The following CDKL5 variants were observed in gnomAD, a reference collection of about 807,000 sequenced individuals.
CDKL5 encodes cyclin-dependent kinase-like 5.
In CDKL5, 8 loss-of-function variants were observed where a neutral mutation model predicts 61.7. That is an observed-to-expected ratio of 0.13 (90% CI 0.08 to 0.23). CDKL5 has a LOEUF of 0.23. Among genes scored for constraint, CDKL5 ranks in the 10% least tolerant of loss-of-function variants. The pLI, the probability that CDKL5 is intolerant of heterozygous loss-of-function variation, is 1.00. For synonymous variants in CDKL5, 275 were observed against 272.3 expected, an observed-to-expected ratio of 1.01 and a Z score of -0.10; for missense variants, 440 against 734.5, an observed-to-expected ratio of 0.60 and a Z score of 4.63.
At chrX:18,441,659 C>G (rs1931748108) in intron 1 of CDKL5, among the ~76,000 whole-genome samples, 1 of 110,954 alleles carries the variant, frequency 9.0e-6, no homozygotes, top group South Asian at 3.8e-4. Flanking sequence ...ACCTAGTGTA[C>G]CCCAGTTTTC....
chrX:18,575,261 G>A, intron 4 of CDKL5, 93 bp from the exon 5 acceptor site: 1 of 792,097 alleles, frequency 1.3e-6, no homozygotes, highest in Non-Finnish European at 1.9e-6. Context: ...AAAGCAGAAG[G>A]TGAAATTGGG....
At chrX:18,589,318 GTGTGA>G (rs1459641244) in intron 9 of CDKL5, 1 of 109,673 alleles carries the variant, frequency 9.1e-6, no homozygotes, top group East Asian at 2.9e-4. Flanking sequence ...AGGCCCCAGT[GTGTGA>G]TGTTCCCCAT....
intron 3 of CDKL5, among the ~76,000 whole-genome samples, chrX:18,561,883 C>T (rs1924817554): frequency 9.0e-6 from 1 of 111,319 alleles, no homozygotes; most frequent in African/African-American, 3.3e-5. Flanking sequence ...TGAATATTAA[C>T]CATGCTCAGG....
chrX:18,543,860 G>A (rs1399918137), intron 3 of CDKL5, among the ~76,000 whole-genome samples: 1 of 111,811 alleles, frequency 8.9e-6, no homozygotes, highest in African/African-American at 3.3e-5. Flanking sequence ...ATACTACCTG[G>A]CTGGTAGTAT....
intron 3 of CDKL5, among the ~76,000 whole-genome samples, chrX:18,561,798 A>G (rs1037003754): frequency 3.6e-5 from 4 of 111,610 alleles, no homozygotes; most frequent in African/African-American, 9.7e-5. Flanking sequence ...AACATGTCAT[A>G]TATTAAAATA....
In CDKL5 at chrX:18,509,192, A is replaced by AACACGCAC. The variant is rs1555940154; in HGVS notation, c.65-1623_65-1616dup. Among the ~76,000 whole-genome samples, 78 of 45,007 alleles carry AACACGCAC rather than the reference A, an allele frequency of 1.7e-3. 1 individual carries two copies. Among genetic ancestry groups the AACACGCAC allele is most frequent in the African/African-American group, 6.6e-3 (70 of 10,555 alleles). The allele number at this position is 45,007 out of a possible 115,157, so 39.1% of individuals were successfully genotyped here. ...TGATGAGAGAGCGAGACTGTCTCAA[A>AACACGCAC]ACACGCACACACACACACACACACA... On this transcript the variant is annotated intron_variant, in intron 2 of 17. Coordinates refer to ENST00000623535, the MANE Select transcript of CDKL5 (RefSeq NM_001323289.2).
rs201239931 is a variant in CDKL5 at position 18,636,336 on chromosome X, T to TTTATTATTATTA, written c.*7615_*7626dup. On this transcript the variant is annotated 3_prime_UTR_variant, in exon 18 of 18. Coordinates refer to ENST00000623535, the MANE Select transcript of CDKL5 (RefSeq NM_001323289.2). ...CAGGCACAATGCCCAAGTGTTTTGC[T>TTTATTATTATTA]TTATTATTATTATTATTATTATTAT... The TTTATTATTATTA allele has an allele frequency of 1.8e-4, 17 of 94,020 alleles. No homozygotes were observed. Among genetic ancestry groups the TTTATTATTATTA allele is most frequent in the East Asian group, 1.3e-3 (4 of 2,981 alleles). 7.7% of individuals were successfully genotyped at this position (94,020 alleles called of 1,213,427 possible).
rs770260902 is a variant in CDKL5 at position 18,648,200 on chromosome X, G to A, written c.2797+2110G>A. ...ACAGTGTCGAGTTACCTGGTCAGAG[G>A]CTGCCAATTTTCAACCCAGTATTCA... is the stretch of plus-strand genomic sequence containing the variant. On this transcript the variant is annotated intron_variant, in intron 20 of 21. Coordinates refer to the CDKL5 transcript ENST00000379989. Among the ~76,000 whole-genome samples, 3 of 110,809 alleles carry A rather than the reference G, an allele frequency of 2.7e-5. No individual in the cohort carries two copies. The South Asian group carries it at 1.2e-3, about 43-fold the overall frequency.
At chrX:18,502,660 CTG>C (rs1282459209) in intron 1 of CDKL5, among the ~76,000 whole-genome samples, 6 of 111,623 alleles carry the variant, frequency 5.4e-5, no homozygotes, top group Non-Finnish European at 1.1e-4. Context: ...CTGTAGGAAT[CTG>C]TAGGGATACT....
chrX:18,547,600 C>T (rs988229696), intron 3 of CDKL5, among the ~76,000 whole-genome samples: 1 of 111,862 alleles, frequency 8.9e-6, no homozygotes, highest in Admixed American at 9.5e-5. Context: ...ACGTGCCACT[C>T]TTGTTTCAAG....
intron 1 of CDKL5, among the ~76,000 whole-genome samples, chrX:18,478,268 G>A (rs748615554): frequency 2.1e-5 from 2 of 94,628 alleles, no homozygotes; most frequent in African/African-American, 7.8e-5. Context: ...AGTCTCCATC[G>A]TTTGTTTCTT....
intron 4 of CDKL5, 53 bp downstream of exon 4, chrX:18,564,575 G>A: frequency 4.1e-6 from 2 of 483,391 alleles, no homozygotes; most frequent in Non-Finnish European, 5.9e-6. Context: ...TTTTCCTTCT[G>A]TATAAAGTTT....
chrX:18,635,360 A>G lies in CDKL5; in HGVS notation c.*6603A>G. ...AATGTATTTTTGAATGGATCTTCCC[A>G]AATGTCTTTAATAAAATGCAGATTT... On this transcript the variant is annotated 3_prime_UTR_variant, in exon 18 of 18. Coordinates refer to ENST00000623535, the MANE Select transcript of CDKL5 (RefSeq NM_001323289.2). The G allele has an allele frequency of 1.3e-6, 1 of 754,327 alleles. No homozygotes were observed. The highest frequency in any genetic ancestry group is 1.6e-6 in the Non-Finnish European group (1 of 639,235). 62.2% of individuals were successfully genotyped at this position (754,327 alleles called of 1,213,427 possible).
At chrX:18,588,358 A>G (rs1413239272) in intron 9 of CDKL5, 2 of 351,535 alleles carry the variant, frequency 5.7e-6, no homozygotes, top group Admixed American at 1.1e-4. Context: ...CTTTTTTCTA[A>G]TTTTTAAGTT....
intron 9 of CDKL5, among the ~76,000 whole-genome samples, chrX:18,591,067 C>T (rs1033122757): frequency 2.7e-5 from 3 of 110,913 alleles, no homozygotes; most frequent in African/African-American, 6.6e-5. Flanking sequence ...GTGCTTCCCT[C>T]GTGTGGTCCC....
rs1204561636 is a variant in CDKL5, at chrX:18,509,197, G to GCACGCGCGCGCGCGCACA, written c.65-1620_65-1619insGCGCGCGCGCGCACACAC. Among the ~76,000 whole-genome samples the GCACGCGCGCGCGCGCACA allele has an allele frequency of 6.2e-5, 4 of 64,306 alleles. No homozygotes were observed. The East Asian group carries it at 2.1e-3, about 33-fold the overall frequency. 55.8% of individuals were successfully genotyped at this position (64,306 alleles called of 115,157 possible). On this transcript the variant is annotated intron_variant, in intron 2 of 17. Coordinates refer to ENST00000623535, the MANE Select transcript of CDKL5 (RefSeq NM_001323289.2). ...AGAGAGCGAGACTGTCTCAAAACAC[G>GCACGCGCGCGCGCGCACA]CACACACACACACACACACACACAC...
intron 1 of CDKL5, among the ~76,000 whole-genome samples, chrX:18,432,743 A>T (rs1380873997): frequency 9.2e-6 from 1 of 109,029 alleles, no homozygotes; most frequent in Non-Finnish European, 1.9e-5. Context: ...AGTAGCTGGG[A>T]CTACAGGTGC....
At chrX:18,516,301 T>TA (rs397716528) in intron 3 of CDKL5, among the ~76,000 whole-genome samples, 1 of 107,095 alleles carries the variant, frequency 9.3e-6, no homozygotes, top group African/African-American at 3.4e-5. Flanking sequence ...TTTTTTTTTT[T>TA]ATTGCTAAAC....
chrX:18,512,331 C>T (rs947489604), intron 3 of CDKL5, among the ~76,000 whole-genome samples: 2 of 111,424 alleles, frequency 1.8e-5, no homozygotes, highest in Non-Finnish European at 3.8e-5. Context: ...CATTTAAACT[C>T]TTGAATCTGT....
Sources: allele counts gnomAD v4.1 joint callset (sites outside exome capture counted in the v4.1 genomes callset), GRCh38; gene constraint gnomAD v4.1.1; transcripts MANE v1.5; gene names NCBI Gene and HGNC (gene_info 2026-07-23, HGNC 2026-07-21).